TNR: variants seen among roughly 807,000 people sequenced by gnomAD.
The protein encoded by TNR is tenascin R, also known as tenascin-R.
Under a neutral mutation model 150.4 loss-of-function variants are expected in TNR, and 45 were observed. The observed-to-expected ratio is 0.30, with a 90% CI of 0.24 to 0.38. The LOEUF is 0.38. TNR is among the 10% of genes least tolerant of loss of function. The probability of loss-of-function intolerance (pLI) is 1.00; values close to 1 mark genes in which losing one functional copy is unlikely to be tolerated. For missense variants in TNR, 1,544 were observed against 1,759.1 expected (o/e 0.88, Z 2.19); for synonymous variants, 687 against 678.4 (o/e 1.01, Z -0.20).
intron 1 of TNR, among the ~76,000 whole-genome samples, chr1:175,592,511 C>T (rs936486422): frequency 3.3e-5 from 5 of 152,254 alleles, no homozygotes; most frequent in South Asian, 2.1e-4. Flanking sequence ...CTCGAGGAGC[C>T]GGAGGCTCTC....
chr1:175,593,386 T>G (rs1231898873), intron 1 of TNR, among the ~76,000 whole-genome samples: 1 of 152,068 alleles, frequency 6.6e-6, no homozygotes, highest in Non-Finnish European at 1.5e-5. Flanking sequence ...AAAGAGAGTG[T>G]AGATCAATCG....
At chr1:175,330,441 T>G (rs976848604) in intron 20 of TNR, 1 of 453,196 alleles carries the variant, frequency 2.2e-6, no homozygotes. Context: ...CCAGGTCTGC[T>G]GATGGGTTTC....
intron 1 of TNR, among the ~76,000 whole-genome samples, chr1:175,706,801 A>AATCT (rs1558083470): frequency 6.6e-6 from 1 of 152,090 alleles, no homozygotes; most frequent in Non-Finnish European, 1.5e-5. Flanking sequence ...GAGGAGAGAT[A>AATCT]GTCACCACCT....
chr1:175,331,158 TTTCTTTC>T (rs1649881182), intron 20 of TNR, among the ~76,000 whole-genome samples: 8 of 101,506 alleles, frequency 7.9e-5, no homozygotes, highest in African/African-American at 2.4e-4. Flanking sequence ...TTTCTTTCTT[TTTCTTTC>T]CTTCCTTCCT....
chr1:175,351,227 C>A (rs1180132908), intron 18 of TNR, among the ~76,000 whole-genome samples: 4 of 152,144 alleles, frequency 2.6e-5, no homozygotes, highest in Non-Finnish European at 5.9e-5. Flanking sequence ...TCCCACCTCA[C>A]CAAGTTTGTA....
rs144540161 is a variant in TNR at position 175,472,324 on chromosome 1, G to A, written c.-64+55945C>T. Among the ~76,000 whole-genome samples the A allele has an allele frequency of 2.4e-3, 368 of 152,174 alleles. 3 individuals are homozygous for A. Among genetic ancestry groups the A allele is most frequent in the Middle Eastern group, 0.024 (7 of 292 alleles). ...CCTTCTAGAATCCTCCTGAAGGACC[G>A]GCCTGAGGCTGTTCTACATTAACTT... On this transcript the variant is annotated intron_variant, in intron 2 of 22. Coordinates refer to ENST00000367674, the MANE Select transcript of TNR (RefSeq NM_003285.3).
chr1:175,580,552 T>C (rs1662315128), intron 1 of TNR, among the ~76,000 whole-genome samples: 1 of 152,236 alleles, frequency 6.6e-6, no homozygotes. Flanking sequence ...CTTATTACAT[T>C]ACAATCACTC....
intron 1 of TNR, among the ~76,000 whole-genome samples, chr1:175,637,778 C>T (rs1382926456): frequency 6.6e-6 from 1 of 152,170 alleles, no homozygotes; most frequent in Non-Finnish European, 1.5e-5. Context: ...GTCCTCTAGG[C>T]TCCTTTTCAT....
At chr1:175,491,473 T>C (rs73044484) in intron 2 of TNR, among the ~76,000 whole-genome samples, 12,108 of 152,064 alleles carry the variant, frequency 0.08, 1,124 homozygotes, top group African/African-American at 0.22. Context: ...TTTACCTGCT[T>C]ACAGGGAGAA....
intron 1 of TNR, among the ~76,000 whole-genome samples, chr1:175,547,931 A>G (rs1191485954): frequency 1.3e-5 from 2 of 152,232 alleles, no homozygotes; most frequent in Non-Finnish European, 2.9e-5. Context: ...ATTAAAGTCC[A>G]TAAAAAATTT....
At chr1:175,511,871 T>C (rs1206472725) in intron 2 of TNR, among the ~76,000 whole-genome samples, 1 of 152,228 alleles carries the variant, frequency 6.6e-6, no homozygotes, top group Non-Finnish European at 1.5e-5. Context: ...TGTTTCCTGG[T>C]ACACAATGAC....
intron 20 of TNR, among the ~76,000 whole-genome samples, chr1:175,331,093 C>CTTTCTTTCTTTCTTTCTTTCTT: frequency 7.7e-6 from 1 of 129,042 alleles, no homozygotes; most frequent in Non-Finnish European, 1.6e-5. Flanking sequence ...TTCTTTCTTT[C>CTTTCTTTCTTTCTTTCTTTCTT]TTTCTTTCTC....
intron 1 of TNR, among the ~76,000 whole-genome samples, chr1:175,665,883 G>A (rs17377651): frequency 0.11 from 16,590 of 152,188 alleles, 1,013 homozygotes; most frequent in East Asian, 0.18. Flanking sequence ...AGGTATGTCT[G>A]AGTCTGCTTA....
chr1:175,533,193 T>G (rs1001446725), intron 1 of TNR, among the ~76,000 whole-genome samples: 12 of 152,242 alleles, frequency 7.9e-5, no homozygotes, highest in African/African-American at 2.9e-4. Flanking sequence ...GCCACAGACT[T>G]GGAAAGGAAT....
At chr1:175,548,067 T>C (rs1660781195) in intron 1 of TNR, among the ~76,000 whole-genome samples, 1 of 152,112 alleles carries the variant, frequency 6.6e-6, no homozygotes, top group Admixed American at 6.5e-5. Flanking sequence ...TCAAATCACA[T>C]CCAGGCGAGA....
At chr1:175,396,296 A>G (rs1653421384) in intron 5 of TNR, among the ~76,000 whole-genome samples, 1 of 152,156 alleles carries the variant, frequency 6.6e-6, no homozygotes, top group Non-Finnish European at 1.5e-5. Context: ...TCCATAATTA[A>G]AGTACTTTTT....
intron 1 of TNR, among the ~76,000 whole-genome samples, chr1:175,549,259 C>T (rs1265847221): frequency 6.6e-6 from 1 of 152,182 alleles, no homozygotes; most frequent in Non-Finnish European, 1.5e-5. Flanking sequence ...AAAGGGAGCA[C>T]CACTCACACA....
At chr1:175,390,583 T>A (rs1653125018) in intron 7 of TNR, among the ~76,000 whole-genome samples, 1 of 152,218 alleles carries the variant, frequency 6.6e-6, no homozygotes, top group Non-Finnish European at 1.5e-5. Flanking sequence ...AATATGACAA[T>A]TAATGAATCA....
intron 1 of TNR, among the ~76,000 whole-genome samples, chr1:175,685,393 T>A (rs1666158855): frequency 6.6e-6 from 1 of 152,172 alleles, no homozygotes; most frequent in South Asian, 2.1e-4. Flanking sequence ...CATTGCACAC[T>A]GCTGTCAGGC....
Sources: allele counts gnomAD v4.1 joint callset (sites outside exome capture counted in the v4.1 genomes callset), GRCh38; gene constraint gnomAD v4.1.1; transcripts MANE v1.5; gene names NCBI Gene and HGNC (gene_info 2026-07-23, HGNC 2026-07-21).